Variants in FNIP2 observed in about 807,000 individuals in gnomAD.
FNIP2 encodes folliculin interacting protein 2.
Under a neutral mutation model 108.7 loss-of-function variants are expected in FNIP2, and 32 were observed. That is an observed-to-expected ratio of 0.29 (90% CI 0.22 to 0.40). The LOEUF is 0.40. FNIP2 is among the 10% of genes least tolerant of loss of function. FNIP2 has a pLI of 1.00. For synonymous variants in FNIP2, 480 were observed against 496.7 expected (o/e 0.97, Z 0.45); for missense variants, 1,202 against 1,381.6 (o/e 0.87, Z 2.06).
At chr4:158,888,513 C>G (rs1361149064) in intron 14 of FNIP2, among the ~76,000 whole-genome samples, 1 of 152,148 alleles carries the variant, frequency 6.6e-6, no homozygotes, top group Non-Finnish European at 1.5e-5. Flanking sequence ...AATGGACTCC[C>G]GCAAATTCTT....
intron 1 of FNIP2, among the ~76,000 whole-genome samples, chr4:158,781,379 C>T (rs910557193): frequency 3.9e-5 from 6 of 152,026 alleles, no homozygotes; most frequent in East Asian, 1.9e-4. Context: ...ACATTTGGAC[C>T]GAATTGTGCA....
At chr4:158,830,240 T>G (rs1403429944) in intron 3 of FNIP2, among the ~76,000 whole-genome samples, 1 of 149,352 alleles carries the variant, frequency 6.7e-6, no homozygotes, top group Admixed American at 6.8e-5. Flanking sequence ...GCTGATAGAT[T>G]TATCTTTCTT....
At chr4:158,787,015 A>G (rs1776247283) in intron 1 of FNIP2, among the ~76,000 whole-genome samples, 1 of 151,548 alleles carries the variant, frequency 6.6e-6, no homozygotes, top group Non-Finnish European at 1.5e-5. Context: ...TGACTTTTTG[A>G]ATTTTACAGT....
At chr4:158,772,824 A>G (rs184021852) in intron 1 of FNIP2, among the ~76,000 whole-genome samples, 505 of 152,330 alleles carry the variant, frequency 3.3e-3, no homozygotes, top group Middle Eastern at 0.017. Context: ...AATCTAAAGG[A>G]CAACAGATTA....
chr4:158,899,905 C>G (rs1408203539), intron 16 of FNIP2, among the ~76,000 whole-genome samples: 3 of 152,094 alleles, frequency 2.0e-5, no homozygotes, highest in African/African-American at 7.2e-5. Context: ...AATTTGTTTG[C>G]TCTTGCTTCT....
Position 158,889,837 on chromosome 4 carries a change from A to G in FNIP2, c.2950-1609A>G, listed in dbSNP as rs552613990. The stretch of plus-strand genomic sequence containing the variant: ...TTTTTTTTCCATAAGGACCAGACTC[A>G]TTGATGGCAAGTCGTCATCATCTTG... On this transcript the variant is annotated intron_variant, in intron 14 of 16. Coordinates refer to ENST00000264433, the MANE Select transcript of FNIP2 (RefSeq NM_020840.3). 7.1e-6 allele frequency: 7 copies of G among 983,852 alleles called. No individual in the cohort carries two copies. In the South Asian group the frequency reaches 2.4e-4, roughly 33 times the overall value. The allele number at this position is 983,852 out of a possible 1,614,324, so 60.9% of individuals were successfully genotyped here. A position where few individuals can be genotyped will look rare whatever the true frequency, so the allele number is the denominator to read the frequency against.
intron 2 of FNIP2, among the ~76,000 whole-genome samples, chr4:158,827,797 C>T (rs1198015943): frequency 6.6e-6 from 1 of 152,106 alleles, no homozygotes; most frequent in Non-Finnish European, 1.5e-5. Context: ...TTTGTGTTTT[C>T]CTTACGTTCT....
chr4:158,883,791 AAATT>A (rs1781859852), intron 14 of FNIP2, among the ~76,000 whole-genome samples: 1 of 152,196 alleles, frequency 6.6e-6, no homozygotes, highest in African/African-American at 2.4e-5. Flanking sequence ...TAATGACAAT[AAATT>A]CAGACCATCA....
At chr4:158,830,031 G>A (rs1314212909) in intron 3 of FNIP2, among the ~76,000 whole-genome samples, 1 of 152,088 alleles carries the variant, frequency 6.6e-6, no homozygotes, top group Non-Finnish European at 1.5e-5. Context: ...AGTTTAAAAA[G>A]TATGGAGTAG....
At chr4:158,770,391 A>C (rs564699792) in intron 1 of FNIP2, among the ~76,000 whole-genome samples, 17 of 152,356 alleles carry the variant, frequency 1.1e-4, no homozygotes, top group African/African-American at 4.1e-4. Flanking sequence ...TTGCAAAAAC[A>C]GTTCACTGTT....
intron 1 of FNIP2, among the ~76,000 whole-genome samples, chr4:158,781,890 GT>G (rs140586802): frequency 4.6e-5 from 7 of 151,152 alleles, no homozygotes; most frequent in African/African-American, 7.3e-5. Context: ...CTCTAAATGA[GT>G]TTTTTTTTCT....
chr4:158,821,562 A>G (rs543961805), intron 1 of FNIP2, among the ~76,000 whole-genome samples: 144 of 152,356 alleles, frequency 9.5e-4, no homozygotes, highest in African/African-American at 3.4e-3. Context: ...AGCTACCAAT[A>G]GCTCAAGTCC....
chr4:158,809,518 A>G (rs1309526218), intron 1 of FNIP2, among the ~76,000 whole-genome samples: 1 of 152,228 alleles, frequency 6.6e-6, no homozygotes, highest in East Asian at 1.9e-4. Flanking sequence ...TCATCCTCAA[A>G]TAATTGCTTT....
At chr4:158,789,849 T>C (rs1776352314) in intron 1 of FNIP2, among the ~76,000 whole-genome samples, 1 of 147,260 alleles carries the variant, frequency 6.8e-6, no homozygotes, top group South Asian at 2.2e-4. Flanking sequence ...GGATGTGTTC[T>C]AGGCGAAATA....
chr4:158,770,794 TA>T (rs1775672616), intron 1 of FNIP2, among the ~76,000 whole-genome samples: 1 of 152,092 alleles, frequency 6.6e-6, no homozygotes, highest in African/African-American at 2.4e-5. Flanking sequence ...CCATCAGGGG[TA>T]CAAAGCCTGG....
In FNIP2 at chr4:158,868,178, C is replaced by T; in HGVS notation, c.1542C>T (p.Val514=). The T allele has an allele frequency of 6.2e-7, 1 of 1,614,028 alleles. No individual in the cohort carries two copies. The highest frequency in any genetic ancestry group is 8.5e-7 in the Non-Finnish European group (1 of 1,179,904). Residue 514 remains valine, a synonymous_variant, in exon 13 of 17, where the codon GTC becomes GTT. Transcript: ENST00000264433. This position sits in a 1 kb window ranked among gnomAD's most constrained non-coding sequence, Gnocchi z 4.6. ...TGGTAGGGAAGCAGAAGGACTTAGT[C>T]CAGCGAATACTTTATGTCCTGACCT... ...TVVVGKQKDL[V]QRILYVLTYF...
intron 15 of FNIP2, among the ~76,000 whole-genome samples, chr4:158,892,212 A>G (rs553537056): frequency 7.4e-6 from 1 of 135,516 alleles, no homozygotes; most frequent in Non-Finnish European, 1.5e-5. Flanking sequence ...ATCTCTGCTC[A>G]CTGCAACCTC....
chr4:158,858,815 C>G (rs764606182), intron 8 of FNIP2, among the ~76,000 whole-genome samples: 1 of 152,142 alleles, frequency 6.6e-6, no homozygotes, highest in Admixed American at 6.5e-5. Context: ...AGAGTAACAA[C>G]GGGAAATTTA....
At chr4:158,832,470 C>T (rs546704853) in intron 5 of FNIP2, among the ~76,000 whole-genome samples, 5 of 152,304 alleles carry the variant, frequency 3.3e-5, no homozygotes, top group Admixed American at 3.3e-4. Context: ...AGAACTTAAA[C>T]TCATTTTGGC....
Sources: gnomAD v4.1 joint callset for allele counts (sites outside exome capture counted in the v4.1 genomes callset) on GRCh38, gnomAD v4.1.1 for gene constraint, Gnocchi (gnomAD v3.1) non-coding constraint, MANE v1.5 for transcripts, NCBI Gene and HGNC (gene_info 2026-07-23, HGNC 2026-07-21) for gene names.